MYO10: variants seen among roughly 807,000 people sequenced by gnomAD.
The protein encoded by MYO10 is unconventional myosin-X.
Under a neutral mutation model 257.3 loss-of-function variants are expected in MYO10, and 133 were observed. That is an observed-to-expected ratio of 0.52 (90% CI 0.45 to 0.60). The LOEUF (loss-of-function observed/expected upper bound fraction) is 0.60, where lower values mean the gene tolerates loss of function less well. MYO10 is among the 20% of genes least tolerant of loss of function. The pLI, the probability that MYO10 is intolerant of heterozygous loss-of-function variation, is 0.00. For synonymous variants in MYO10, 1,104 were observed against 1,028.6 expected (o/e 1.07, Z -1.40); for missense variants, 2,399 against 2,635.7 (o/e 0.91, Z 1.97).
At chr5:16,669,533 G>A (rs968471296) in intron 39 of MYO10, among the ~76,000 whole-genome samples, 1 of 152,162 alleles carries the variant, frequency 6.6e-6, no homozygotes, top group Non-Finnish European at 1.5e-5. Flanking sequence ...CTAATTCACA[G>A]CTCACGTTTT....
chr5:16,793,889 C>T (rs1741846424), intron 4 of MYO10, among the ~76,000 whole-genome samples: 1 of 151,142 alleles, frequency 6.6e-6, no homozygotes, highest in African/African-American at 2.4e-5. Context: ...TGAGATCGCA[C>T]CATTGCACTC....
At chr5:16,749,747 G>A (rs577558570) in intron 19 of MYO10, among the ~76,000 whole-genome samples, 1 of 152,362 alleles carries the variant, frequency 6.6e-6, no homozygotes, top group African/African-American at 2.4e-5. Flanking sequence ...GAGCCAGCCA[G>A]ACGTGTTCCA....
chr5:16,873,998 A>G (rs1232614676), intron 2 of MYO10, among the ~76,000 whole-genome samples: 1 of 152,116 alleles, frequency 6.6e-6, no homozygotes, highest in African/African-American at 2.4e-5. Flanking sequence ...GCTCCTTGCT[A>G]CTTATGCAAA....
At chr5:16,722,715 A>G (rs1287633926) in intron 19 of MYO10, among the ~76,000 whole-genome samples, 1 of 152,232 alleles carries the variant, frequency 6.6e-6, no homozygotes, top group Non-Finnish European at 1.5e-5. Context: ...ATGTAATGTA[A>G]ATCACAAAAC....
chr5:16,764,699 G>GT (rs1740813931), intron 11 of MYO10, among the ~76,000 whole-genome samples: 1 of 151,326 alleles, frequency 6.6e-6, no homozygotes, highest in African/African-American at 2.4e-5. Context: ...TTTGTTTTTT[G>GT]TTTTTTTGAG....
chr5:16,695,545 C>G (rs1291349814), intron 26 of MYO10, among the ~76,000 whole-genome samples: 2 of 149,908 alleles, frequency 1.3e-5, no homozygotes, highest in Admixed American at 6.6e-5. Context: ...AAAAAGAAAG[C>G]AAGAGTACAA....
intron 2 of MYO10, among the ~76,000 whole-genome samples, chr5:16,850,627 A>G (rs1016435062): frequency 6.6e-6 from 1 of 151,904 alleles, no homozygotes; most frequent in African/African-American, 2.4e-5. Context: ...ATCCTCAGTT[A>G]AATAGTATAT....
At chr5:16,678,417 T>TA (rs1736835657) in intron 33 of MYO10, among the ~76,000 whole-genome samples, 1 of 152,002 alleles carries the variant, frequency 6.6e-6, no homozygotes, top group South Asian at 2.1e-4. Context: ...CCATCTCTAC[T>TA]AAAAATACAA....
Position 16,795,915 on chromosome 5 carries a change from C to T in MYO10, c.280-1082G>A, listed in dbSNP as rs564235083. ...CGAAAATGCTAGGTATCAGACCGAG[C>T]GCAGTGGCTCACGACTGTAATCCCA... On this transcript the variant is annotated intron_variant, in intron 3 of 40. Transcript: ENST00000513610. 6.6e-5 allele frequency among the ~76,000 whole-genome samples: 10 copies of T among 152,126 alleles called. No homozygotes were observed. In the South Asian group the frequency reaches 1.0e-3, roughly 16 times the overall value.
At chr5:16,809,087 T>C (rs1742358814) in intron 3 of MYO10, among the ~76,000 whole-genome samples, 1 of 151,966 alleles carries the variant, frequency 6.6e-6, no homozygotes, top group African/African-American at 2.4e-5. Context: ...GGAGCATAAA[T>C]GTTTGGTAAA....
intron 1 of MYO10, chr5:16,902,398 T>C (rs1377496193): frequency 1.2e-5 from 15 of 1,237,340 alleles, no homozygotes; most frequent in Admixed American, 6.7e-5. Flanking sequence ...CTGACTACTT[T>C]GCTGAGAACT....
intron 1 of MYO10, among the ~76,000 whole-genome samples, chr5:16,911,022 C>A (rs1173594627): frequency 6.6e-6 from 1 of 152,058 alleles, no homozygotes; most frequent in African/African-American, 2.4e-5. Context: ...CTTCAAGAGA[C>A]AAGATTATCC....
At chr5:16,749,540 C>A (rs1394640391) in intron 19 of MYO10, among the ~76,000 whole-genome samples, 7 of 151,572 alleles carry the variant, frequency 4.6e-5, no homozygotes, top group Non-Finnish European at 8.8e-5. Flanking sequence ...GTGCTAGAGG[C>A]CTTCTTCCAC....
rs757042580 is a variant in MYO10, at chr5:16,781,765, T to C, written c.667A>G (p.Lys223Glu). 1 of 1,613,962 alleles carries C rather than the reference T, an allele frequency of 6.2e-7. No homozygotes were observed. Among genetic ancestry groups the C allele is most frequent in the East Asian group, 2.2e-5 (1 of 44,886 alleles). ...TGACAGATGTTCAGCTGAACAAACT[T>C]CCCAAAGCGACTAGAGTTGTTGTTG... The part of the protein sequence containing the change: ...VYNNNSSRFG[K>E]FVQLNICQKG... Residue 223 changes from lysine (K) to glutamate (E), a missense_variant, in exon 6 of 41, where the codon AAG (lysine) becomes GAG (glutamate). Around this residue, in one of 3 missense-constraint regions of MYO10, gnomAD observed 337 missense variants for 446.8 expected, o/e 0.75. Transcript: ENST00000513610.
At chr5:16,819,913 G>C (rs954696991) in intron 2 of MYO10, among the ~76,000 whole-genome samples, 1 of 152,154 alleles carries the variant, frequency 6.6e-6, no homozygotes, top group Non-Finnish European at 1.5e-5. Flanking sequence ...GAAACTGCTC[G>C]AGGCCAAGAT....
At chr5:16,823,467 G>GGGGGGGGGGGTTTT (rs1561003861) in intron 2 of MYO10, among the ~76,000 whole-genome samples, 2 of 3,986 alleles carry the variant, frequency 5.0e-4, no homozygotes, top group Non-Finnish European at 5.8e-4. Context: ...GGGGAGTGGG[G>GGGGGGGGGGGTTTT]ATTTTTTTTT....
At chr5:16,763,079 T>C (rs1213829666) in intron 14 of MYO10, among the ~76,000 whole-genome samples, 2 of 152,162 alleles carry the variant, frequency 1.3e-5, no homozygotes, top group Non-Finnish European at 2.9e-5. Flanking sequence ...AATTTCTCGA[T>C]TGGAAAATCC....
At chr5:16,749,015 T>G (rs1173520537) in intron 19 of MYO10, among the ~76,000 whole-genome samples, 3 of 152,060 alleles carry the variant, frequency 2.0e-5, no homozygotes, top group African/African-American at 7.2e-5. Flanking sequence ...GGCTCCAAGA[T>G]CGACAGCCCA....
chr5:16,742,110 T>C (rs1308408000), intron 19 of MYO10: 2 of 985,284 alleles, frequency 2.0e-6, no homozygotes, highest in Admixed American at 6.1e-5. Flanking sequence ...GGCCCAAAGA[T>C]TCTTGATTTT....
Sources: allele counts gnomAD v4.1 joint callset (sites outside exome capture counted in the v4.1 genomes callset), GRCh38; gene constraint gnomAD v4.1.1; regional missense constraint gnomAD v4.1.1; transcripts MANE v1.5; gene names NCBI Gene and HGNC (gene_info 2026-07-23, HGNC 2026-07-21).